PPP1R1C: variants seen among roughly 807,000 people sequenced by gnomAD.
PPP1R1C encodes the protein protein phosphatase 1 regulatory inhibitor subunit 1C.
PPP1R1C carries 15 observed loss-of-function variants against 17.4 expected under a neutral mutation model. The ratio of observed to expected loss-of-function variants is 0.86; its 90% CI spans 0.58 to 1.33. The LOEUF (loss-of-function observed/expected upper bound fraction) is 1.33, where lower values mean the gene tolerates loss of function less well. Ranked by LOEUF, PPP1R1C falls within the 40% of genes most tolerant of loss-of-function variation. The probability of loss-of-function intolerance (pLI) is 0.00; values close to 1 mark genes in which losing one functional copy is unlikely to be tolerated. For synonymous variants in PPP1R1C, 35 were observed against 43.1 expected, an observed-to-expected ratio of 0.81 and a Z score of 0.73; for missense variants, 143 against 130.0, an observed-to-expected ratio of 1.10 and a Z score of -0.48.
At chr2:182,128,354 A>G (rs533939999) in intron 5 of PPP1R1C, among the ~76,000 whole-genome samples, 91 of 152,216 alleles carry the variant, frequency 6.0e-4, no homozygotes, top group Non-Finnish European at 1.1e-3. Context: ...TAACCACTCT[A>G]GAACTGAGTT....
intron 2 of PPP1R1C, among the ~76,000 whole-genome samples, chr2:182,024,763 G>T (rs556545231): frequency 1.3e-5 from 2 of 151,800 alleles, no homozygotes; most frequent in Non-Finnish European, 2.9e-5. Flanking sequence ...GTTGAGGCAG[G>T]ATAATTGCTT....
chr2:182,110,365 A>G (rs1401301121), intron 4 of PPP1R1C, among the ~76,000 whole-genome samples: 1 of 152,230 alleles, frequency 6.6e-6, no homozygotes, highest in Admixed American at 6.5e-5. Context: ...TTTATTTATC[A>G]ATTCAAAATA....
chr2:182,086,416 A>T (rs1379682680), intron 4 of PPP1R1C, among the ~76,000 whole-genome samples: 1 of 152,190 alleles, frequency 6.6e-6, no homozygotes, highest in Non-Finnish European at 1.5e-5. Context: ...GTGGGAAAAG[A>T]TACACTCATG....
chr2:181,974,570 A>T (rs1233696289), intron 1 of PPP1R1C, among the ~76,000 whole-genome samples: 1 of 152,212 alleles, frequency 6.6e-6, no homozygotes, highest in Non-Finnish European at 1.5e-5. Flanking sequence ...AATAAATATG[A>T]ATCTGAAGCA....
chr2:182,027,156 AC>A (rs1686642952), intron 2 of PPP1R1C, among the ~76,000 whole-genome samples: 1 of 139,812 alleles, frequency 7.2e-6, no homozygotes, highest in Non-Finnish European at 1.5e-5. Context: ...TCGTCTGCAA[AC>A]AGGGACAATT....
chr2:182,089,171 A>G (rs1688713043), intron 4 of PPP1R1C, among the ~76,000 whole-genome samples: 2 of 152,246 alleles, frequency 1.3e-5, no homozygotes, highest in Admixed American at 1.3e-4. Context: ...AGCTGGAGCC[A>G]GACAATTCTG....
chr2:182,032,002 G>A (rs972171195), intron 2 of PPP1R1C, among the ~76,000 whole-genome samples: 3 of 152,212 alleles, frequency 2.0e-5, no homozygotes, highest in Admixed American at 1.3e-4. Context: ...TCATGGGGAA[G>A]TCCTATGGGT....
chr2:182,014,026 G>C (rs1289430591), intron 2 of PPP1R1C, among the ~76,000 whole-genome samples: 1 of 152,100 alleles, frequency 6.6e-6, no homozygotes, highest in Admixed American at 6.6e-5. Context: ...GTCACTCCTG[G>C]TTGGTCCCCA....
At chr2:182,024,350 T>A (rs888973099) in intron 2 of PPP1R1C, among the ~76,000 whole-genome samples, 4 of 152,130 alleles carry the variant, frequency 2.6e-5, no homozygotes, top group African/African-American at 9.7e-5. Context: ...AATTTAAGGG[T>A]TACAAAAACA....
Position 182,048,260 on chromosome 2 carries a change from C to T in PPP1R1C, c.143-13182C>T, listed in dbSNP as rs548332551. 1.3e-5 allele frequency among the ~76,000 whole-genome samples: 2 copies of T among 152,228 alleles called. 1 individual carries two copies. The highest frequency in any genetic ancestry group is 4.2e-4 in the South Asian group (2 of 4,808). The stretch of plus-strand genomic sequence containing the variant: ...CCCCAGTTTTGACTAACTCTAAGAA[C>T]TCAAAGAAAAACACAACTGAAACCA... On this transcript the variant is annotated intron_variant, in intron 2 of 4. Coordinates refer to ENST00000682840, the MANE Select transcript of PPP1R1C (RefSeq NM_001080545.3).
At chr2:181,979,606 G>A (rs1685158004) in intron 2 of PPP1R1C, among the ~76,000 whole-genome samples, 1 of 152,150 alleles carries the variant, frequency 6.6e-6, no homozygotes, top group Admixed American at 6.5e-5. Context: ...TGACTCAAAA[G>A]CTAGGCTCAG....
At chr2:182,084,958 A>T (rs1688584161) in intron 4 of PPP1R1C, among the ~76,000 whole-genome samples, 1 of 151,938 alleles carries the variant, frequency 6.6e-6, no homozygotes, top group Middle Eastern at 3.2e-3. Flanking sequence ...TCTTGTAGAG[A>T]TCTTTTACCT....
chr2:182,111,935 A>T (rs2125234850), intron 4 of PPP1R1C, among the ~76,000 whole-genome samples: 1 of 152,102 alleles, frequency 6.6e-6, no homozygotes, highest in East Asian at 1.9e-4. Flanking sequence ...TGCGATAGGC[A>T]CCAGGTTTGC....
At chr2:182,075,863 A>G (rs1574430978) in intron 4 of PPP1R1C, among the ~76,000 whole-genome samples, 1 of 152,298 alleles carries the variant, frequency 6.6e-6, no homozygotes. Flanking sequence ...CTTTGCCTCA[A>G]CTTACAGTAC....
intron 4 of PPP1R1C, among the ~76,000 whole-genome samples, chr2:182,085,794 A>G (rs1351708457): frequency 6.6e-6 from 1 of 152,186 alleles, no homozygotes; most frequent in Non-Finnish European, 1.5e-5. Flanking sequence ...GGAAACTTGT[A>G]AAATGGGGCG....
intron 2 of PPP1R1C, among the ~76,000 whole-genome samples, chr2:182,034,462 T>A (rs1020452048): frequency 2.0e-5 from 3 of 152,052 alleles, no homozygotes; most frequent in African/African-American, 7.2e-5. Flanking sequence ...AAGAATAACA[T>A]GTTTGAGGAA....
chr2:182,131,007 A>G (rs1438103012), downstream of PPP1R1C: 2 of 152,196 alleles, frequency 1.3e-5, no homozygotes, highest in African/African-American at 4.8e-5. Flanking sequence ...CCTAAATAAG[A>G]TTTTTCAAAG....
chr2:182,069,110 CT>C (rs1688070031), intron 4 of PPP1R1C, among the ~76,000 whole-genome samples: 1 of 152,246 alleles, frequency 6.6e-6, no homozygotes, highest in Non-Finnish European at 1.5e-5. Context: ...TGTGGGTGTT[CT>C]TCAGGTATTC....
intron 2 of PPP1R1C, among the ~76,000 whole-genome samples, chr2:182,009,031 T>C (rs1246467881): frequency 2.6e-5 from 4 of 152,206 alleles, no homozygotes; most frequent in Non-Finnish European, 5.9e-5. Flanking sequence ...CATTCATCTG[T>C]TGATGGACAC....
Sources: gnomAD v4.1 joint callset for allele counts (sites outside exome capture counted in the v4.1 genomes callset) on GRCh38, gnomAD v4.1.1 for gene constraint, MANE v1.5 for transcripts, NCBI Gene and HGNC (gene_info 2026-07-23, HGNC 2026-07-21) for gene names.